ANKRD12: variants seen among roughly 807,000 people sequenced by gnomAD.
The protein encoded by ANKRD12 is ankyrin repeat domain 12.
Under a neutral mutation model 183.4 loss-of-function variants are expected in ANKRD12, and 85 were observed. That is an observed-to-expected ratio of 0.46 (90% CI 0.39 to 0.56). ANKRD12 has a LOEUF of 0.56. ANKRD12 is among the 20% of genes least tolerant of loss of function. ANKRD12 has a pLI of 0.00. For missense variants in ANKRD12, 2,405 were observed against 2,357.1 expected (o/e 1.02, Z -0.42); for synonymous variants, 914 against 800.2 (o/e 1.14, Z -2.40).
At chr18:9,251,986 A>G (rs2038323816) in intron 8 of ANKRD12, among the ~76,000 whole-genome samples, 1 of 152,216 alleles carries the variant, frequency 6.6e-6, no homozygotes, top group Admixed American at 6.5e-5. Flanking sequence ...GTTTTATTAA[A>G]TACAAGTTTA....
At chr18:9,276,528 A>G (rs2039842414) in intron 11 of ANKRD12, among the ~76,000 whole-genome samples, 1 of 152,116 alleles carries the variant, frequency 6.6e-6, no homozygotes, top group Non-Finnish European at 1.5e-5. Flanking sequence ...AGCTTGGGAA[A>G]CATGGTGAAA....
intron 1 of ANKRD12, among the ~76,000 whole-genome samples, chr18:9,147,225 A>G (rs1296156830): frequency 6.6e-6 from 1 of 152,186 alleles, no homozygotes; most frequent in Non-Finnish European, 1.5e-5. Context: ...TTAAAACTAT[A>G]TCGATTATTT....
At chr18:9,277,232 GA>G (rs1346382353) in intron 11 of ANKRD12, among the ~76,000 whole-genome samples, 1 of 151,826 alleles carries the variant, frequency 6.6e-6, no homozygotes, top group Non-Finnish European at 1.5e-5. Flanking sequence ...AAGGTGGGAG[GA>G]TCGATTAAGC....
At chr18:9,238,255 C>G (rs2037460078) in intron 8 of ANKRD12, among the ~76,000 whole-genome samples, 1 of 152,168 alleles carries the variant, frequency 6.6e-6, no homozygotes, top group African/African-American at 2.4e-5. Context: ...TTGGTTTTCT[C>G]AAGATTTTTA....
rs111366709 is a variant in ANKRD12, at chr18:9,160,709, C to T, written c.-51-21673C>T. Among the ~76,000 whole-genome samples, 1,325 of 152,172 alleles carry T rather than the reference C, an allele frequency of 8.7e-3. 31 individuals carry two copies. Among genetic ancestry groups the T allele is most frequent in the African/African-American group, 0.03 (1,266 of 41,510 alleles). ...TGCTTCTGGTAACCAGGGAAGTTTG[C>T]GTTATCAAGTGTTATGAGCCTAAAA... On this transcript the variant is annotated intron_variant, in intron 1 of 12. Transcript: ENST00000262126.
intron 3 of ANKRD12, among the ~76,000 whole-genome samples, chr18:9,198,082 A>G (rs1198060652): frequency 1.3e-5 from 2 of 152,166 alleles, no homozygotes; most frequent in Non-Finnish European, 2.9e-5. Flanking sequence ...TATTTCCCAT[A>G]TGAAAGATAC....
intron 1 of ANKRD12, among the ~76,000 whole-genome samples, chr18:9,175,521 C>T (rs1157062186): frequency 6.3e-5 from 3 of 47,548 alleles, no homozygotes; most frequent in Admixed American, 2.7e-4. Context: ...TCAAAGGCTC[C>T]TCTTTTTTTT....
chr18:9,235,952 T>C (rs370909733), intron 8 of ANKRD12: 1 of 167,936 alleles, frequency 6.0e-6, no homozygotes, highest in Non-Finnish European at 1.3e-5. Flanking sequence ...TTGAGGGACT[T>C]TTTTTTTTTT....
At chr18:9,243,411 A>G (rs1279689763) in intron 8 of ANKRD12, among the ~76,000 whole-genome samples, 2 of 152,236 alleles carry the variant, frequency 1.3e-5, no homozygotes, top group Non-Finnish European at 2.9e-5. Context: ...CCCTGTATCA[A>G]TATGAAAAGA....
In ANKRD12 at chr18:9,254,244, G is replaced by C. The variant is rs201272539; in HGVS notation, c.977G>C (p.Ser326Thr). The C allele has an allele frequency of 6.3e-7, 1 of 1,595,080 alleles. No individual in the cohort carries two copies. The highest frequency in any genetic ancestry group is 8.5e-7 in the Non-Finnish European group (1 of 1,173,610). Residue 326 changes from serine to threonine, a missense_variant, in exon 9 of 13, where the codon AGT (serine) becomes ACT (threonine). Ser to Thr is a moderately conservative substitution (Grantham distance 58). This residue lies in a region of ANKRD12 where 1,983 missense variants were observed against 1,725.9 expected (regional missense o/e 1.15). Coordinates refer to ENST00000262126, the MANE Select transcript of ANKRD12 (RefSeq NM_015208.5). The part of the protein sequence containing the change: ...SEEAQSVNPS[S>T]VDENIDSETE... ...GAGGCTCAATCTGTAAATCCTTCTAGTGTTGATGAAAATATTGACTCTGAA... is the reference window on the plus strand; with the variant it reads ...GAGGCTCAATCTGTAAATCCTTCTACTGTTGATGAAAATATTGACTCTGAA...
chr18:9,245,315 G>A (rs1333830079), intron 8 of ANKRD12, among the ~76,000 whole-genome samples: 2 of 152,018 alleles, frequency 1.3e-5, no homozygotes, highest in South Asian at 2.1e-4. Context: ...GCCAAGCTTG[G>A]TGGGGCACGC....
chr18:9,165,493 A>G (rs1175256787), intron 1 of ANKRD12, among the ~76,000 whole-genome samples: 2 of 152,204 alleles, frequency 1.3e-5, no homozygotes, highest in East Asian at 1.9e-4. Flanking sequence ...CTTCATACCA[A>G]TTGAACACTG....
intron 8 of ANKRD12, chr18:9,235,652 T>C (rs1486512909): frequency 2.2e-6 from 1 of 456,126 alleles, no homozygotes; most frequent in East Asian, 6.9e-5. Flanking sequence ...CAGCTACCAA[T>C]TTGCAGGAAA....
intron 8 of ANKRD12, chr18:9,239,692 T>C (rs2037547212): frequency 3.3e-6 from 1 of 301,592 alleles, no homozygotes; most frequent in Non-Finnish European, 6.6e-6. Flanking sequence ...CAGAACATAC[T>C]AATATATAAT....
At position 9,282,237 on chromosome 18, in the gene ANKRD12, T is replaced by C. The variant is rs2040127310; in HGVS notation, c.*1111T>C. 2 of 152,604 alleles carry C rather than the reference T, an allele frequency of 1.3e-5. No individual in the cohort carries two copies. Among genetic ancestry groups the C allele is most frequent in the African/African-American group, 4.8e-5 (2 of 41,470 alleles). 9.5% of individuals were successfully genotyped at this position (152,604 alleles called of 1,614,324 possible). Reference sequence around the variant, plus strand: ...ACATTGCTTAATGTTTTAAGCTTAATAGCCTTTGCACTTTTAAAATAAAAA... The same window carrying C: ...ACATTGCTTAATGTTTTAAGCTTAACAGCCTTTGCACTTTTAAAATAAAAA... On this transcript the variant is annotated 3_prime_UTR_variant, in exon 13 of 13. Transcript: ENST00000262126.
intron 1 of ANKRD12, among the ~76,000 whole-genome samples, chr18:9,157,605 T>G (rs1568231598): frequency 2.8e-4 from 6 of 21,542 alleles, no homozygotes; most frequent in Non-Finnish European, 6.4e-4. Flanking sequence ...ATATATGTAT[T>G]TTTTTTTTTT....
chr18:9,261,187 A>C (rs753486494), intron 9 of ANKRD12, among the ~76,000 whole-genome samples: 1 of 152,218 alleles, frequency 6.6e-6, no homozygotes, highest in Non-Finnish European at 1.5e-5. Flanking sequence ...CAGAGCAGCA[A>C]GCTGTCAGAC....
At chr18:9,221,800 A>T in intron 7 of ANKRD12, 52 bp from the exon 8 acceptor site, 1 of 1,582,874 alleles carries the variant, frequency 6.3e-7, no homozygotes, top group Non-Finnish European at 8.6e-7. Context: ...GAATGGGTGC[A>T]GTGATAACAA....
At chr18:9,203,398 A>T (rs958291328) in intron 3 of ANKRD12, among the ~76,000 whole-genome samples, 2 of 152,166 alleles carry the variant, frequency 1.3e-5, no homozygotes, top group African/African-American at 4.8e-5. Flanking sequence ...TGTAACAGTG[A>T]TCCTGGAAAA....
Sources: allele counts gnomAD v4.1 joint callset (sites outside exome capture counted in the v4.1 genomes callset), GRCh38; gene constraint gnomAD v4.1.1; regional missense constraint gnomAD v4.1.1; transcripts MANE v1.5; gene names NCBI Gene and HGNC (gene_info 2026-07-23, HGNC 2026-07-21).